LOC400499: variants seen among roughly 807,000 people sequenced by gnomAD.
the LOC400499 span, among the ~76,000 whole-genome samples, chr16:11,483,668 C>A: frequency 6.7e-6 from 1 of 150,342 alleles, no homozygotes; most frequent in Non-Finnish European, 1.5e-5. Context: ...GAGGTTGATA[C>A]CAGCCTGGGC....
the LOC400499 span, among the ~76,000 whole-genome samples, chr16:11,448,359 G>C: frequency 6.6e-6 from 1 of 152,204 alleles, no homozygotes; most frequent in Non-Finnish European, 1.5e-5. Context: ...TTGCTAAAGT[G>C]ACCAGGGTCC....
At chr16:11,409,133 T>C in the LOC400499 span, among the ~76,000 whole-genome samples, 1 of 151,856 alleles carries the variant, frequency 6.6e-6, no homozygotes, top group South Asian at 2.1e-4. Context: ...TGGTAGTGCA[T>C]GCCTGTAATC....
chr16:11,428,266 G>C, the LOC400499 span, among the ~76,000 whole-genome samples: 2 of 152,086 alleles, frequency 1.3e-5, no homozygotes, highest in Non-Finnish European at 2.9e-5. Flanking sequence ...CCACCTTCCA[G>C]GTTCAAGCGA....
chr16:11,399,363 T>C, the LOC400499 span: 1 of 834,942 alleles, frequency 1.2e-6, no homozygotes, highest in South Asian at 6.2e-5. Flanking sequence ...TTGCCCAGGA[T>C]CCCGCAAGCA....
the LOC400499 span, chr16:11,450,530 G>C: frequency 1.4e-6 from 2 of 1,409,786 alleles, no homozygotes; most frequent in Non-Finnish European, 1.9e-6. Flanking sequence ...ACAGACCTCA[G>C]CTTTCATCCG....
At chr16:11,423,881 A>T in the LOC400499 span, among the ~76,000 whole-genome samples, 117 of 152,234 alleles carry the variant, frequency 7.7e-4, 1 homozygote, top group Non-Finnish European at 1.2e-3. Context: ...CTGGGAGGGC[A>T]GGGTACCCTG....
chr16:11,457,016 C>A, the LOC400499 span: 25 of 1,533,060 alleles, frequency 1.6e-5, no homozygotes, highest in Non-Finnish European at 2.0e-5. Context: ...AATCCACCTG[C>A]CTCTCAGGCA....
At chr16:11,455,900 A>G in the LOC400499 span, among the ~76,000 whole-genome samples, 1 of 152,094 alleles carries the variant, frequency 6.6e-6, no homozygotes, top group Non-Finnish European at 1.5e-5. Flanking sequence ...AGGTCTACAC[A>G]AGAGCAGAGA....
the LOC400499 span, among the ~76,000 whole-genome samples, chr16:11,381,945 G>A: frequency 7.6e-6 from 1 of 131,570 alleles, no homozygotes; most frequent in Admixed American, 7.5e-5. Flanking sequence ...TTTCATTCTG[G>A]AATTTTTTTT....
the LOC400499 span, among the ~76,000 whole-genome samples, chr16:11,445,192 G>C: frequency 3.3e-5 from 5 of 152,050 alleles, no homozygotes; most frequent in Admixed American, 2.6e-4. Context: ...AGGCCAAGGC[G>C]GGCAGATCAC....
the LOC400499 span, among the ~76,000 whole-genome samples, chr16:11,385,596 G>A: frequency 4.5e-4 from 68 of 152,362 alleles, no homozygotes; most frequent in Non-Finnish European, 8.1e-4. Flanking sequence ...CCGGCTTCAA[G>A]ATGACATGAG....
chr16:11,395,391 G>A, the LOC400499 span, among the ~76,000 whole-genome samples: 26 of 152,206 alleles, frequency 1.7e-4, no homozygotes, highest in Admixed American at 1.6e-3. Flanking sequence ...GCCTCTTGCC[G>A]AGCATCCGCC....
chr16:11,493,034 G>C, the LOC400499 span, among the ~76,000 whole-genome samples: 5 of 152,174 alleles, frequency 3.3e-5, no homozygotes, highest in Non-Finnish European at 7.3e-5. Flanking sequence ...GGTCACAAGT[G>C]TTTGAGGAAG....
chr16:11,448,515 AAAACAAACAAACAAACAAACAAACAAAC>A, the LOC400499 span, among the ~76,000 whole-genome samples: 2 of 56,090 alleles, frequency 3.6e-5, no homozygotes, highest in East Asian at 3.9e-4. Flanking sequence ...CGTGTCTGCT[AAAACAAACAAACAAACAAACAAACAAAC>A]AAACAAACAA....
the LOC400499 span, chr16:11,404,623 A>G: frequency 2.5e-6 from 1 of 398,338 alleles, no homozygotes; most frequent in East Asian, 3.6e-5. Flanking sequence ...CTTGGATTAC[A>G]GGCATGAGCC....
the LOC400499 span, chr16:11,514,668 G>C: frequency 2.5e-6 from 1 of 397,852 alleles, no homozygotes; most frequent in African/African-American, 2.1e-5. Context: ...CACTCAGCGA[G>C]GCTGGGGAGG....
the LOC400499 span, chr16:11,398,619 G>T: frequency 1.1e-5 from 9 of 850,354 alleles, no homozygotes; most frequent in African/African-American, 1.6e-4. Flanking sequence ...GGAATGTGCC[G>T]TCAGAGCTCT....
At chr16:11,393,567 G>A in the LOC400499 span, 3 of 1,232,328 alleles carry the variant, frequency 2.4e-6, no homozygotes, top group Non-Finnish European at 3.0e-6. Flanking sequence ...AAGCTGGGAG[G>A]GGGAAGGCAG....
the LOC400499 span, among the ~76,000 whole-genome samples, chr16:11,419,152 C>T: frequency 4.6e-5 from 7 of 151,358 alleles, no homozygotes; most frequent in Non-Finnish European, 1.0e-4. Flanking sequence ...GGTGAAAGGG[C>T]AAAACTCTGT....
Sources: gnomAD v4.1 joint callset for allele counts (sites outside exome capture counted in the v4.1 genomes callset) on GRCh38, gnomAD v4.1.1 for gene constraint, MANE v1.5 for transcripts.